Variants in GSE1 observed in about 807,000 individuals in gnomAD.
GSE1 encodes Gse1 coiled-coil protein.
GSE1 carries 32 observed loss-of-function variants against 112.6 expected under a neutral mutation model. The ratio of observed to expected loss-of-function variants is 0.28; its 90% CI spans 0.21 to 0.38. The LOEUF (loss-of-function observed/expected upper bound fraction) is 0.38, where lower values mean the gene tolerates loss of function less well. Ranked by LOEUF, GSE1 falls within the 10% of genes least tolerant of loss-of-function variation. The pLI, the probability that GSE1 is intolerant of heterozygous loss-of-function variation, is 1.00. For synonymous variants in GSE1, 1,115 were observed against 735.6 expected (o/e 1.52, Z -8.35); for missense variants, 2,348 against 1,699.2 (o/e 1.38, Z -6.71).
intron 2 of GSE1, among the ~76,000 whole-genome samples, chr16:85,420,378 C>T (rs911167223): frequency 3.3e-5 from 5 of 152,218 alleles, no homozygotes; most frequent in South Asian, 2.1e-4. Context: ...ATCTAAGCCA[C>T]GCAGTTTGTA....
At chr16:85,505,093 G>A (rs1027022411) in intron 2 of GSE1, among the ~76,000 whole-genome samples, 1 of 152,144 alleles carries the variant, frequency 6.6e-6, no homozygotes, top group Non-Finnish European at 1.5e-5. Context: ...TCCTTTTCCG[G>A]TTTGGATCCT....
At chr16:85,367,377 C>G (rs1159262357) in intron 2 of GSE1, among the ~76,000 whole-genome samples, 1 of 152,216 alleles carries the variant, frequency 6.6e-6, no homozygotes, top group Admixed American at 6.5e-5. Context: ...CACCTGTGTG[C>G]TAAAGACCAT....
At chr16:85,534,607 GTTTATTC>G (rs1374400427) in intron 2 of GSE1, among the ~76,000 whole-genome samples, 1 of 152,120 alleles carries the variant, frequency 6.6e-6, no homozygotes, top group Non-Finnish European at 1.5e-5. Flanking sequence ...ACTACATTTT[GTTTATTC>G]GTCGTTTGTC....
chr16:85,644,269 G>T (rs898218485), intron 2 of GSE1, among the ~76,000 whole-genome samples: 1 of 151,038 alleles, frequency 6.6e-6, no homozygotes, highest in South Asian at 2.1e-4. Context: ...AACCCAGGAG[G>T]TTGAGGCTGC....
At chr16:85,519,610 T>TCACTTTCAC (rs2052098916) in intron 2 of GSE1, among the ~76,000 whole-genome samples, 2 of 138,832 alleles carry the variant, frequency 1.4e-5, no homozygotes, top group Non-Finnish European at 3.1e-5. Flanking sequence ...ACCACCATCA[T>TCACTTTCAC]CACCATCACC....
chr16:85,588,921 A>G (rs1173698510), intron 1 of GSE1, among the ~76,000 whole-genome samples: 2 of 152,096 alleles, frequency 1.3e-5, no homozygotes, highest in African/African-American at 2.4e-5. Flanking sequence ...GAGTCCCCCC[A>G]GGGACTTTCA....
rs947427936 is a variant in GSE1, at chr16:85,359,754, C to T, written c.2464+2111C>T. 4.9e-4 allele frequency among the ~76,000 whole-genome samples: 75 copies of T among 152,088 alleles called. 1 individual carries two copies. Among genetic ancestry groups the T allele is most frequent in the African/African-American group, 3.1e-4 (13 of 41,424 alleles). The stretch of plus-strand genomic sequence containing the variant: ...GAGGGGGATGGGGCACGAACCCCGA[C>T]GTCTGGCTCCCGCGCCGAACTCACC... On this transcript the variant is annotated intron_variant, in intron 2 of 2. Transcript: ENST00000637419.
Position 85,671,114 on chromosome 16 carries a change from A to G in GSE1, c.3519+16A>G. 6.9e-7 allele frequency: 1 copy of G among 1,446,338 alleles called. No individual in the cohort carries two copies. The highest frequency in any genetic ancestry group is 9.7e-7 in the Non-Finnish European group (1 of 1,029,218). 89.6% of individuals were successfully genotyped at this position (1,446,338 alleles called of 1,614,324 possible). Reference sequence around the variant, plus strand: ...CAGCGTGGCGGTGAGTTGGGAAGGGATGGAAACCTTCAAACACGCAACCTT... The same window carrying G: ...CAGCGTGGCGGTGAGTTGGGAAGGGGTGGAAACCTTCAAACACGCAACCTT... On this transcript the variant is annotated intron_variant, in intron 15 of 15. Transcript: ENST00000253458.
intron 2 of GSE1, among the ~76,000 whole-genome samples, chr16:85,541,110 A>G (rs1481666427): frequency 6.6e-6 from 1 of 152,084 alleles, no homozygotes; most frequent in East Asian, 1.9e-4. Flanking sequence ...TGTCCAGCGC[A>G]GTCAGGGTGG....
chr16:85,505,345 C>T (rs752982574), intron 2 of GSE1, among the ~76,000 whole-genome samples: 3 of 152,192 alleles, frequency 2.0e-5, no homozygotes, highest in Non-Finnish European at 2.9e-5. Context: ...GAGTCCCACC[C>T]GGGAGGCCTT....
At chr16:85,400,659 T>C (rs1178806019) in intron 2 of GSE1, among the ~76,000 whole-genome samples, 1 of 151,850 alleles carries the variant, frequency 6.6e-6, no homozygotes, top group Non-Finnish European at 1.5e-5. Flanking sequence ...TCTGTGTCTG[T>C]GTATGTTGCG....
chr16:85,645,851 ATTCTACCTGC>A (rs1442646731), intron 2 of GSE1, among the ~76,000 whole-genome samples: 1 of 151,818 alleles, frequency 6.6e-6, no homozygotes, highest in East Asian at 2.0e-4. Context: ...CTATGCATGC[ATTCTACCTGC>A]TTCTACCATG....
intron 1 of GSE1, among the ~76,000 whole-genome samples, chr16:85,297,302 C>T (rs1373690652): frequency 6.6e-6 from 1 of 151,112 alleles, no homozygotes; most frequent in Non-Finnish European, 1.5e-5. Context: ...TCAGGCCCAC[C>T]AGTGAAGTGA....
intron 1 of GSE1, among the ~76,000 whole-genome samples, chr16:85,245,892 CGTGTGT>C (rs1242881162): frequency 6.7e-6 from 1 of 149,556 alleles, no homozygotes; most frequent in African/African-American, 2.5e-5. Flanking sequence ...TGTGTGTGTG[CGTGTGT>C]GTCGAGGTGT....
chr16:85,619,770 A>T (rs2048613836), intron 1 of GSE1, among the ~76,000 whole-genome samples: 1 of 152,104 alleles, frequency 6.6e-6, no homozygotes, highest in Non-Finnish European at 1.5e-5. Context: ...CCTCCTCCCC[A>T]GGGAGGGACT....
At chr16:85,440,774 C>A (rs996660179) in intron 2 of GSE1, among the ~76,000 whole-genome samples, 2 of 152,220 alleles carry the variant, frequency 1.3e-5, no homozygotes, top group African/African-American at 4.8e-5. Context: ...TGGGGCCTTG[C>A]TGGGAGCTTT....
chr16:85,211,546 C>T (rs1002239731), intron 1 of GSE1, among the ~76,000 whole-genome samples: 6 of 152,196 alleles, frequency 3.9e-5, no homozygotes, highest in East Asian at 1.9e-4. Context: ...GCGGCACCTT[C>T]GCAGCTTCTC....
chr16:85,271,603 C>T lies in GSE1; in HGVS notation c.2284-85860C>T, dbSNP rs140699176. On this transcript the variant is annotated intron_variant, in intron 1 of 2. Coordinates refer to the GSE1 transcript ENST00000637419. The stretch of plus-strand genomic sequence containing the variant: ...GCCCACGCTGGCTTTCCTGCTGCTT[C>T]GCAGCGTGTACTGAGAGTCAGAGGC... Among the ~76,000 whole-genome samples, 707 of 152,300 alleles carry T rather than the reference C, an allele frequency of 4.6e-3. 4 individuals carry two copies. Among genetic ancestry groups the T allele is most frequent in the African/African-American group, 0.016 (661 of 41,554 alleles).
intron 1 of GSE1, among the ~76,000 whole-genome samples, chr16:85,320,982 G>C (rs2046095241): frequency 6.6e-6 from 1 of 152,136 alleles, no homozygotes; most frequent in African/African-American, 2.4e-5. Flanking sequence ...CGTCACTCCA[G>C]TCTTATTTAG....
Sources: gnomAD v4.1 joint callset for allele counts (sites outside exome capture counted in the v4.1 genomes callset) on GRCh38, gnomAD v4.1.1 for gene constraint, MANE v1.5 for transcripts, NCBI Gene and HGNC (gene_info 2026-07-23, HGNC 2026-07-21) for gene names.